The following UBE2QL1 variants were observed in gnomAD, a reference collection of about 807,000 sequenced individuals.
The protein encoded by UBE2QL1 is ubiquitin conjugating enzyme E2 QL1.
Under a neutral mutation model 12.6 loss-of-function variants are expected in UBE2QL1, and 5 were observed. That is an observed-to-expected ratio of 0.40 (90% CI 0.21 to 0.83). The LOEUF (loss-of-function observed/expected upper bound fraction) is 0.83. Ranked by LOEUF, UBE2QL1 falls within the 40% of genes least tolerant of loss-of-function variation. The pLI is 0.37. For synonymous variants in UBE2QL1, 96 were observed against 94.5 expected (o/e 1.02, Z -0.10); for missense variants, 99 against 222.6 (o/e 0.44, Z 3.53).
intron 1 of UBE2QL1, among the ~76,000 whole-genome samples, chr5:6,458,258 C>T (rs776687871): frequency 6.6e-6 from 1 of 152,126 alleles, no homozygotes; most frequent in Non-Finnish European, 1.5e-5. Context: ...AGGTGTTTGA[C>T]TGAGTTCTTT....
intron 1 of UBE2QL1, among the ~76,000 whole-genome samples, chr5:6,462,797 G>A (rs572980562): frequency 3.3e-5 from 5 of 152,290 alleles, no homozygotes; most frequent in African/African-American, 1.2e-4. Flanking sequence ...AGTTGCCCAG[G>A]GAGATTGAGG....
chr5:6,467,433 C>A (rs1739820318), intron 1 of UBE2QL1, among the ~76,000 whole-genome samples: 1 of 152,156 alleles, frequency 6.6e-6, no homozygotes, highest in African/African-American at 2.4e-5. Context: ...TGGGTCCTCA[C>A]AGGATCTGTC....
intron 1 of UBE2QL1, among the ~76,000 whole-genome samples, chr5:6,480,405 G>C (rs1734335414): frequency 6.6e-6 from 1 of 152,178 alleles, no homozygotes; most frequent in Non-Finnish European, 1.5e-5. Context: ...GACAGCCCTC[G>C]ACACAGTCGA....
At chr5:6,472,737 T>A (rs531126000) in intron 1 of UBE2QL1, among the ~76,000 whole-genome samples, 1 of 152,330 alleles carries the variant, frequency 6.6e-6, no homozygotes, top group East Asian at 1.9e-4. Flanking sequence ...TTTCTTTATC[T>A]TCTTCTCTTT....
chr5:6,468,083 T>C (rs17776761), intron 1 of UBE2QL1, among the ~76,000 whole-genome samples: 13,178 of 152,132 alleles, frequency 0.087, 709 homozygotes, highest in Non-Finnish European at 0.12. Context: ...GATGACACTA[T>C]TTTTTGTCTC....
chr5:6,470,806 A>T (rs541727477), intron 1 of UBE2QL1, among the ~76,000 whole-genome samples: 2 of 152,122 alleles, frequency 1.3e-5, no homozygotes, highest in African/African-American at 4.8e-5. Flanking sequence ...TACCCTAATT[A>T]CCATAGGGAA....
intron 1 of UBE2QL1, among the ~76,000 whole-genome samples, chr5:6,463,443 A>AG (rs1739716086): frequency 6.6e-6 from 1 of 152,018 alleles, no homozygotes; most frequent in Non-Finnish European, 1.5e-5. Flanking sequence ...AGTAAGGAAC[A>AG]GGGTGGTGGC....
At position 6,492,727 on chromosome 5, in the gene UBE2QL1, A is replaced by G. The variant is rs1734598534; in HGVS notation, c.*1378A>G. 2 of 152,238 alleles carry G rather than the reference A, an allele frequency of 1.3e-5. No homozygotes were observed. The highest frequency in any genetic ancestry group is 1.3e-4 in the Admixed American group (2 of 15,288). 9.4% of individuals were successfully genotyped at this position (152,238 alleles called of 1,614,324 possible). On this transcript the variant is annotated 3_prime_UTR_variant, in exon 2 of 2. Coordinates refer to ENST00000399816, the MANE Select transcript of UBE2QL1 (RefSeq NM_001145161.3). ...GCAGCGTTCTAAGTCAGGTACCAGAAATGAGTCTTAGGAACCCATAGTCTT... is the reference window on the plus strand; with the variant it reads ...GCAGCGTTCTAAGTCAGGTACCAGAGATGAGTCTTAGGAACCCATAGTCTT...
In UBE2QL1 at chr5:6,491,564, A is replaced by G; in HGVS notation, c.*215A>G. ...CGGATTATGTTTCGATTATAAATGA[A>G]TGATCACCTCGAAGTCACTTTAGAA... is the stretch of plus-strand genomic sequence containing the variant. On this transcript the variant is annotated 3_prime_UTR_variant, in exon 2 of 2. Transcript: ENST00000399816. 2.0e-6 allele frequency: 1 copy of G among 511,258 alleles called. No individual in the cohort carries two copies. The highest frequency in any genetic ancestry group is 5.6e-4 in the Middle Eastern group (1 of 1,790). The allele number at this position is 511,258 out of a possible 1,614,324, so 31.7% of individuals were successfully genotyped here. A position where few individuals can be genotyped will look rare whatever the true frequency, so the allele number is the denominator to read the frequency against.
At chr5:6,471,216 A>G (rs984509590) in intron 1 of UBE2QL1, among the ~76,000 whole-genome samples, 1 of 152,206 alleles carries the variant, frequency 6.6e-6, no homozygotes, top group Non-Finnish European at 1.5e-5. Flanking sequence ...CCCAGCCCTC[A>G]GCATTGGTTA....
intron 1 of UBE2QL1, among the ~76,000 whole-genome samples, chr5:6,463,304 A>C (rs1579290785): frequency 6.6e-6 from 1 of 152,312 alleles, no homozygotes; most frequent in East Asian, 1.9e-4. Context: ...TGTATAATAC[A>C]GTGATCCTAA....
chr5:6,481,962 G>A lies in UBE2QL1; in HGVS notation c.355-9256G>A, dbSNP rs1036233377. Among the ~76,000 whole-genome samples the A allele has an allele frequency of 1.3e-5, 2 of 152,246 alleles. No individual in the cohort carries two copies. Among genetic ancestry groups the A allele is most frequent in the Admixed American group, 6.5e-5 (1 of 15,282 alleles). ...CAAAATAGTTGAAGTCCTACCCCCTGTGGCTGTGAATGTGACCTTATTTGA... is the reference window on the plus strand; with the variant it reads ...CAAAATAGTTGAAGTCCTACCCCCTATGGCTGTGAATGTGACCTTATTTGA... On this transcript the variant is annotated intron_variant, in intron 1 of 1. Coordinates refer to ENST00000399816, the MANE Select transcript of UBE2QL1 (RefSeq NM_001145161.3). The surrounding 1 kb of genome is among the most constrained non-coding windows in gnomAD (Gnocchi z 4.5).
chr5:6,481,207 C>T lies in UBE2QL1; in HGVS notation c.355-10011C>T, dbSNP rs1734352026. On this transcript the variant is annotated intron_variant, in intron 1 of 1. Coordinates refer to ENST00000399816, the MANE Select transcript of UBE2QL1 (RefSeq NM_001145161.3). The surrounding 1 kb of genome is among the most constrained non-coding windows in gnomAD (Gnocchi z 4.5). The stretch of plus-strand genomic sequence containing the variant: ...CCCCGTTTCTAGATTTCCTGCTTCT[C>T]CTCTTGACTGTCCCCAGCCAAACAC... Among the ~76,000 whole-genome samples the T allele has an allele frequency of 1.3e-5, 2 of 152,186 alleles. No individual in the cohort carries two copies. The highest frequency in any genetic ancestry group is 4.8e-5 in the African/African-American group (2 of 41,436).
chr5:6,465,622 G>T (rs899351606), intron 1 of UBE2QL1, among the ~76,000 whole-genome samples: 4 of 152,256 alleles, frequency 2.6e-5, no homozygotes, highest in South Asian at 2.1e-4. Context: ...CTCTTGGGGG[G>T]GCTCTGGGAT....
At chr5:6,457,081 C>T (rs1338541767) in intron 1 of UBE2QL1, among the ~76,000 whole-genome samples, 6 of 151,960 alleles carry the variant, frequency 3.9e-5, no homozygotes, top group Middle Eastern at 6.8e-3. Context: ...CTGCATGGCT[C>T]CTCTAAAATG....
At chr5:6,468,339 C>T (rs1009341753) in intron 1 of UBE2QL1, among the ~76,000 whole-genome samples, 1 of 152,068 alleles carries the variant, frequency 6.6e-6, no homozygotes, top group Non-Finnish European at 1.5e-5. Flanking sequence ...AGCAGGGGCG[C>T]GGGGTGGGTG....
rs1285646779 is a variant in UBE2QL1 at position 6,478,744 on chromosome 5, C to T, written c.355-12474C>T. On this transcript the variant is annotated intron_variant, in intron 1 of 1. Coordinates refer to ENST00000399816, the MANE Select transcript of UBE2QL1 (RefSeq NM_001145161.3). This position sits in a 1 kb window ranked among gnomAD's most constrained non-coding sequence, Gnocchi z 4.5. ...GAAGTGTCCTGATCACCCAATGGCA[C>T]GGGTGATCAAAGCCACAGCAGACCA... 3.3e-5 allele frequency among the ~76,000 whole-genome samples: 5 copies of T among 152,004 alleles called. No homozygotes were observed. Among genetic ancestry groups the T allele is most frequent in the African/African-American group, 7.3e-5 (3 of 41,374 alleles).
In UBE2QL1 at chr5:6,492,995, G is replaced by A. The variant is rs1734604825; in HGVS notation, c.*1646G>A. The A allele has an allele frequency of 6.6e-6, 1 of 152,246 alleles. No homozygotes were observed. Among genetic ancestry groups the A allele is most frequent in the Non-Finnish European group, 1.5e-5 (1 of 68,050 alleles). The allele number at this position is 152,246 out of a possible 1,614,324, so 9.4% of individuals were successfully genotyped here. A position where few individuals can be genotyped will look rare whatever the true frequency, so the allele number is the denominator to read the frequency against. ...ACAAGGATTGGCGCCTTTCAGCAGG[G>A]CTGCCCATTCACCAAACTTATTGTT... is the stretch of plus-strand genomic sequence containing the variant. On this transcript the variant is annotated 3_prime_UTR_variant, in exon 2 of 2. Transcript: ENST00000399816.
chr5:6,455,975 G>T (rs892016362), intron 1 of UBE2QL1, among the ~76,000 whole-genome samples: 1 of 152,186 alleles, frequency 6.6e-6, no homozygotes, highest in Non-Finnish European at 1.5e-5. Flanking sequence ...AAAAGAAAAT[G>T]TAGGGATGAT....
Sources: allele counts gnomAD v4.1 joint callset (sites outside exome capture counted in the v4.1 genomes callset), GRCh38; gene constraint gnomAD v4.1.1; non-coding constraint Gnocchi (gnomAD v3.1); transcripts MANE v1.5; gene names NCBI Gene and HGNC (gene_info 2026-07-23, HGNC 2026-07-21).